Variants in SGK1 observed in about 807,000 individuals in gnomAD.
The protein encoded by SGK1 is serum/glucocorticoid regulated kinase 1.
Under a neutral mutation model 64.2 loss-of-function variants are expected in SGK1, and 26 were observed. The observed-to-expected ratio is 0.40, with a 90% CI of 0.30 to 0.56. SGK1 has a LOEUF of 0.56. SGK1 is among the 20% of genes least tolerant of loss of function. The pLI, the probability that SGK1 is intolerant of heterozygous loss-of-function variation, is 0.38. For missense variants in SGK1, 519 were observed against 645.6 expected, an observed-to-expected ratio of 0.80 and a Z score of 2.12; for synonymous variants, 265 against 239.7, an observed-to-expected ratio of 1.11 and a Z score of -0.98.
intron 2 of SGK1, among the ~76,000 whole-genome samples, chr6:134,244,437 G>A (rs764603438): frequency 9.9e-5 from 15 of 152,178 alleles, no homozygotes; most frequent in South Asian, 2.1e-4. Flanking sequence ...ACCTATGTGT[G>A]CACGTGTCTT....
intron 2 of SGK1, among the ~76,000 whole-genome samples, chr6:134,225,175 C>T (rs186648852): frequency 4.1e-4 from 62 of 151,292 alleles, no homozygotes; most frequent in Admixed American, 1.5e-3. Context: ...CATGGTGAAA[C>T]GCTGTCTCTA....
intron 2 of SGK1, among the ~76,000 whole-genome samples, chr6:134,224,914 G>A (rs1356556601): frequency 6.6e-6 from 1 of 151,026 alleles, no homozygotes; most frequent in Admixed American, 6.6e-5. Context: ...GCAGCCACTT[G>A]GGGACTGAGG....
chr6:134,316,176 G>C (rs937036055), intron 1 of SGK1, among the ~76,000 whole-genome samples: 1 of 152,166 alleles, frequency 6.6e-6, no homozygotes, highest in African/African-American at 2.4e-5. Context: ...GGGAGCCTTC[G>C]CTGGCCCTCT....
Position 134,173,458 on chromosome 6 carries a change from T to C in SGK1, c.618+4A>G, listed in dbSNP as rs372961256. Reference sequence around the variant, plus strand: ...TACCAAAAGATCTTCAGATTTGAAATTACCTTTCCAAAACTGCCCTTTCCG... The same window carrying C: ...TACCAAAAGATCTTCAGATTTGAAACTACCTTTCCAAAACTGCCCTTTCCG... On this transcript the variant is annotated splice_donor_region_variant and intron_variant, in intron 6 of 13. Transcript: ENST00000367858. 1.2e-6 allele frequency: 2 copies of C among 1,606,092 alleles called. No individual in the cohort carries two copies. The highest frequency in any genetic ancestry group is 2.7e-5 in the African/African-American group (2 of 74,576).
intron 3 of SGK1, among the ~76,000 whole-genome samples, chr6:134,191,413 T>A (rs1369985584): frequency 6.6e-6 from 1 of 152,200 alleles, no homozygotes; most frequent in Non-Finnish European, 1.5e-5. Flanking sequence ...TCTACCACTG[T>A]CAACTAGCAT....
At chr6:134,275,556 G>A (rs1777006566) in intron 1 of SGK1, among the ~76,000 whole-genome samples, 1 of 152,156 alleles carries the variant, frequency 6.6e-6, no homozygotes, top group Non-Finnish European at 1.5e-5. Flanking sequence ...CTTTTTACAT[G>A]AAATGCACTG....
chr6:134,238,607 C>G (rs1350009820), intron 2 of SGK1, among the ~76,000 whole-genome samples: 1 of 151,504 alleles, frequency 6.6e-6, no homozygotes, highest in Non-Finnish European at 1.5e-5. Context: ...TCTCTCGAAA[C>G]TTTCATGCAT....
chr6:134,283,476 G>C (rs1008523049), intron 1 of SGK1, among the ~76,000 whole-genome samples: 1 of 151,506 alleles, frequency 6.6e-6, no homozygotes, highest in Non-Finnish European at 1.5e-5. Flanking sequence ...CAGTGGCAGA[G>C]TGAAACTCTG....
intron 3 of SGK1, among the ~76,000 whole-genome samples, chr6:134,184,469 C>T (rs1775389478): frequency 7.4e-6 from 1 of 135,430 alleles, no homozygotes; most frequent in Non-Finnish European, 1.5e-5. Context: ...CACATCACTG[C>T]ACTCCAGCCT....
chr6:134,273,773 A>G (rs988009941), intron 1 of SGK1, among the ~76,000 whole-genome samples: 5 of 151,908 alleles, frequency 3.3e-5, no homozygotes, highest in Admixed American at 2.0e-4. Context: ...CTGGATAGAA[A>G]GTTTAGGTCA....
chr6:134,212,302 T>C (rs1318047156), intron 2 of SGK1, among the ~76,000 whole-genome samples: 1 of 152,082 alleles, frequency 6.6e-6, no homozygotes, highest in South Asian at 2.1e-4. Flanking sequence ...ATCCACCCGC[T>C]TCAGCCTCCC....
chr6:134,265,609 T>TAC, intron 1 of SGK1, among the ~76,000 whole-genome samples: 1 of 135,980 alleles, frequency 7.4e-6, no homozygotes, highest in African/African-American at 3.0e-5. Context: ...ATATATATTT[T>TAC]ATATATATAC....
At chr6:134,196,748 G>A (rs1239319910) in intron 3 of SGK1, among the ~76,000 whole-genome samples, 3 of 152,202 alleles carry the variant, frequency 2.0e-5, no homozygotes, top group Non-Finnish European at 4.4e-5. Context: ...AAAACTTCGA[G>A]TTGAAGTACG....
At chr6:134,277,502 G>A (rs1189376886) in intron 1 of SGK1, among the ~76,000 whole-genome samples, 1 of 152,124 alleles carries the variant, frequency 6.6e-6, no homozygotes, top group Non-Finnish European at 1.5e-5. Flanking sequence ...CTGGAGGTGT[G>A]AGAGGTGGGC....
At chr6:134,246,063 C>T (rs1776519724) in intron 2 of SGK1, among the ~76,000 whole-genome samples, 1 of 152,106 alleles carries the variant, frequency 6.6e-6, no homozygotes, top group African/African-American at 2.4e-5. Flanking sequence ...CAAATGACCA[C>T]GTAAAGGGTA....
At chr6:134,209,188 C>T (rs1382957584) in intron 2 of SGK1, among the ~76,000 whole-genome samples, 3 of 152,134 alleles carry the variant, frequency 2.0e-5, no homozygotes, top group Admixed American at 6.6e-5. Flanking sequence ...AATCCCAGCA[C>T]TTTGGGAGGC....
intron 2 of SGK1, among the ~76,000 whole-genome samples, chr6:134,230,780 G>A (rs1288101129): frequency 3.3e-5 from 5 of 152,298 alleles, no homozygotes; most frequent in South Asian, 4.1e-4. Context: ...TTCGGAGGCC[G>A]AGGCAGGCAA....
chr6:134,309,139 C>A (rs868620318), intron 1 of SGK1, among the ~76,000 whole-genome samples: 1 of 152,156 alleles, frequency 6.6e-6, no homozygotes. Flanking sequence ...TATTTTGGCA[C>A]CTCGAACTAC....
chr6:134,202,393 C>T (rs1775700512), intron 3 of SGK1, among the ~76,000 whole-genome samples: 1 of 152,146 alleles, frequency 6.6e-6, no homozygotes, highest in African/African-American at 2.4e-5. Flanking sequence ...CCTGTAATCC[C>T]AGCACTTTGG....
Sources: allele counts gnomAD v4.1 joint callset (sites outside exome capture counted in the v4.1 genomes callset), GRCh38; gene constraint gnomAD v4.1.1; transcripts MANE v1.5; gene names NCBI Gene and HGNC (gene_info 2026-07-23, HGNC 2026-07-21).